Variants in TOMM70 observed in about 807,000 individuals in gnomAD.
The protein encoded by TOMM70 is translocase of outer mitochondrial membrane 70.
Under a neutral mutation model 73.6 loss-of-function variants are expected in TOMM70, and 13 were observed. That is an observed-to-expected ratio of 0.18 (90% confidence interval 0.11 to 0.28). The LOEUF is 0.28. TOMM70 is among the 10% of genes least tolerant of loss of function. The pLI is 1.00. For missense variants in TOMM70, 609 were observed against 747.5 expected (o/e 0.81, Z 2.16); for synonymous variants, 257 against 271.2 (o/e 0.95, Z 0.51).
intron 6 of TOMM70, among the ~76,000 whole-genome samples, chr3:100,376,695 T>A (rs1419475996): frequency 6.6e-6 from 1 of 152,148 alleles, no homozygotes. Context: ...AGTTTTATAG[T>A]TTTAGCTCTT....
chr3:100,372,783 A>G (rs1706525200), intron 8 of TOMM70, 61 bp from the exon 9 acceptor site: 4 of 1,309,726 alleles, frequency 3.1e-6, no homozygotes, highest in African/African-American at 3.0e-5. Context: ...GAATGTTAAC[A>G]TAAACACACA....
chr3:100,387,656 T>TC (rs1559834119), intron 1 of TOMM70, among the ~76,000 whole-genome samples: 2 of 150,260 alleles, frequency 1.3e-5, no homozygotes, highest in East Asian at 2.0e-4. Context: ...TTTTTTTTTT[T>TC]CTTGAGACAG....
chr3:100,385,136 C>T (rs759585004), intron 3 of TOMM70, among the ~76,000 whole-genome samples: 4 of 152,216 alleles, frequency 2.6e-5, no homozygotes, highest in Admixed American at 2.6e-4. Context: ...CGTCTCTTCC[C>T]GAATTAAATT....
intron 1 of TOMM70, 123 bp downstream of exon 1, chr3:100,400,503 C>T: frequency 8.8e-7 from 1 of 1,141,484 alleles, no homozygotes; most frequent in Non-Finnish European, 1.3e-6. Flanking sequence ...TCTCCCTAAA[C>T]CCAAGTGTTG....
chr3:100,371,205 A>G (rs1706505809), intron 9 of TOMM70, among the ~76,000 whole-genome samples: 1 of 152,068 alleles, frequency 6.6e-6, no homozygotes, highest in Non-Finnish European at 1.5e-5. Flanking sequence ...GAAATTAAAA[A>G]CAAAATAAGC....
intron 9 of TOMM70, 63 bp from the exon 10 acceptor site, chr3:100,369,198 C>T (rs903052965): frequency 8.8e-7 from 1 of 1,132,514 alleles, no homozygotes; most frequent in African/African-American, 1.6e-5. Context: ...TAAAAGTATA[C>T]TTATTATTCA....
intron 11 of TOMM70, among the ~76,000 whole-genome samples, chr3:100,366,050 A>C (rs746841935): frequency 2.6e-5 from 4 of 152,246 alleles, no homozygotes; most frequent in Admixed American, 2.0e-4. Flanking sequence ...TGGCTTATTT[A>C]AAATCACAAT....
At chr3:100,367,497 CATCAGTTAAATT>C (rs1385298384) in intron 11 of TOMM70, among the ~76,000 whole-genome samples, 1 of 152,106 alleles carries the variant, frequency 6.6e-6, no homozygotes, top group Non-Finnish European at 1.5e-5. Flanking sequence ...GCCCTCTGGG[CATCAGTTAAATT>C]AGGGATCATA....
At chr3:100,368,312 T>C in intron 10 of TOMM70, 146 bp from the exon 11 acceptor site, 1 of 1,044,746 alleles carries the variant, frequency 9.6e-7, no homozygotes, top group African/African-American at 1.7e-5. Flanking sequence ...CATCAAATTG[T>C]GTTTTTTTTC....
chr3:100,368,200 G>A (rs966765881), intron 10 of TOMM70, 34 bp from the exon 11 acceptor site: 1 of 1,601,968 alleles, frequency 6.2e-7, no homozygotes, highest in Non-Finnish European at 8.5e-7. Flanking sequence ...ATGTGACCAT[G>A]GCCCAGTATC....
Position 100,400,725 on chromosome 3 carries a change from GCTGGCGTCGCCCCGGCCT to G in TOMM70, c.207_224del (p.Arg69_Ala74del), listed in dbSNP as rs1706888693. On this transcript the variant is annotated inframe_deletion, in exon 1 of 12. Coordinates refer to ENST00000284320, the MANE Select transcript of TOMM70 (RefSeq NM_014820.5). The stretch of plus-strand genomic sequence containing the variant: ...TCCGTTCGCTGTTGCGCTTCAGGCC[GCTGGCGTCGCCCCGGCCT>G]CTGGCCTCCCGGCGCCGTTGCTGCC... 1 of 1,607,388 alleles carries G rather than the reference GCTGGCGTCGCCCCGGCCT, an allele frequency of 6.2e-7. No individual in the cohort carries two copies. Among genetic ancestry groups the G allele is most frequent in the Non-Finnish European group, 8.5e-7 (1 of 1,178,554 alleles).
At chr3:100,369,769 A>T (rs138590332) in intron 9 of TOMM70, among the ~76,000 whole-genome samples, 1 of 152,170 alleles carries the variant, frequency 6.6e-6, no homozygotes, top group East Asian at 1.9e-4. Context: ...CCAAAGTTCT[A>T]GGATTACAGG....
chr3:100,400,888 C>G lies in TOMM70; in HGVS notation c.62G>C (p.Ser21Thr). The G allele has an allele frequency of 1.3e-6, 2 of 1,530,366 alleles. No individual in the cohort carries two copies. The highest frequency in any genetic ancestry group is 1.7e-6 in the Non-Finnish European group (2 of 1,145,410). The allele number at this position is 1,530,366 out of a possible 1,614,324, so 94.8% of individuals were successfully genotyped here. Reference sequence around the variant, plus strand: ...CGCAGTCCCGCCGCCGCCCACCCCACTCCCGGAGCTCGGTACAGCGGCTGC... The same window carrying G: ...CGCAGTCCCGCCGCCGCCCACCCCAGTCCCGGAGCTCGGTACAGCGGCTGC... ...VVAAAVPSSG[S>T]GVGGGGTAGP... Residue 21 changes from serine (S) to threonine (T), a missense_variant, in exon 1 of 12, where the codon AGT becomes ACT. Physicochemically the swap from Ser to Thr is moderately conservative, Grantham distance 58. Coordinates refer to ENST00000284320, the MANE Select transcript of TOMM70 (RefSeq NM_014820.5).
rs1317113724 is a variant in TOMM70 at position 100,384,524 on chromosome 3, T to G, written c.690A>C (p.Lys230Asn). ...QNQQSMLLAD[K>N]VLKLLGKEKA... ...TCTCTTTTCCAAGGAGTTTAAGAAC[T>G]TTATCGGCTAACAGCATGCTTTGTT... The change falls in exon 4 of 12, where the codon AAA becomes AAC. Residue 230 changes from lysine (K) to asparagine (N), a missense_variant. Around this residue, in one of 2 missense-constraint regions of TOMM70, gnomAD observed 432 missense variants for 584.1 expected, o/e 0.74. Coordinates refer to ENST00000284320, the MANE Select transcript of TOMM70 (RefSeq NM_014820.5). 2 of 1,611,514 alleles carry G rather than the reference T, an allele frequency of 1.2e-6. No individual in the cohort carries two copies. Among genetic ancestry groups the G allele is most frequent in the African/African-American group, 2.7e-5 (2 of 74,786 alleles).
chr3:100,367,319 G>A (rs1393061758), intron 11 of TOMM70, among the ~76,000 whole-genome samples: 1 of 152,090 alleles, frequency 6.6e-6, no homozygotes, highest in Non-Finnish European at 1.5e-5. Context: ...TCTGCCTACT[G>A]TAGAGCAGGG....
chr3:100,399,331 T>A (rs946958268), intron 1 of TOMM70, among the ~76,000 whole-genome samples: 9 of 152,156 alleles, frequency 5.9e-5, no homozygotes, highest in African/African-American at 1.9e-4. Flanking sequence ...ATGACTTGCA[T>A]ACATATTTAA....
chr3:100,365,504 G>A lies in TOMM70; in HGVS notation c.*60C>T. On this transcript the variant is annotated 3_prime_UTR_variant, in exon 12 of 12. Coordinates refer to ENST00000284320, the MANE Select transcript of TOMM70 (RefSeq NM_014820.5). ...AACACAGTTCATGACAGTGTCTTTA[G>A]GGTTCAGTTGAAGAGGGGGTAAACT... 5.0e-6 allele frequency: 8 copies of A among 1,604,880 alleles called. No homozygotes were observed. Among genetic ancestry groups the A allele is most frequent in the Non-Finnish European group, 6.0e-6 (7 of 1,173,350 alleles).
Position 100,369,106 on chromosome 3 carries a change from T to C in TOMM70, c.1482A>G (p.Lys494=), listed in dbSNP as rs746151021. 21 of 1,613,468 alleles carry C rather than the reference T, an allele frequency of 1.3e-5. No homozygotes were observed. Among genetic ancestry groups the C allele is most frequent in the Non-Finnish European group, 1.2e-5 (14 of 1,179,670 alleles). Residue 494 remains lysine, a synonymous_variant, in exon 10 of 12, where the codon AAA becomes AAG. Coordinates refer to ENST00000284320, the MANE Select transcript of TOMM70 (RefSeq NM_014820.5). ...TACATTTATCATACATTTCATCAGC[T>C]TTACCAAACTGTTGTTGATCTGTTA... ...QALTDQQQFG[K]ADEMYDKCID...
intron 1 of TOMM70, among the ~76,000 whole-genome samples, chr3:100,390,551 G>C (rs541104107): frequency 2.0e-5 from 3 of 152,286 alleles, no homozygotes; most frequent in South Asian, 2.1e-4. Context: ...ATTGGGGCCG[G>C]GTGCAGTGGC....
Sources: allele counts gnomAD v4.1 joint callset (sites outside exome capture counted in the v4.1 genomes callset), GRCh38; gene constraint gnomAD v4.1.1; regional missense constraint gnomAD v4.1.1; transcripts MANE v1.5; gene names NCBI Gene and HGNC (gene_info 2026-07-23, HGNC 2026-07-21).